The following UNC5D variants were observed in gnomAD, a reference collection of about 807,000 sequenced individuals.
UNC5D encodes netrin receptor UNC5D.
A neutral mutation model predicts 105.4 loss-of-function variants in UNC5D; 39 were observed. The ratio of observed to expected loss-of-function variants is 0.37; its 90% CI spans 0.29 to 0.48. The LOEUF (loss-of-function observed/expected upper bound fraction) is 0.48, where lower values mean the gene tolerates loss of function less well. Ranked by LOEUF, UNC5D falls within the 20% of genes least tolerant of loss-of-function variation. UNC5D has a pLI of 0.98. For synonymous variants in UNC5D, 452 were observed against 450.4 expected (o/e 1.00, Z -0.04); for missense variants, 991 against 1,202.4 (o/e 0.82, Z 2.60).
At chr8:35,723,855 A>G (rs1260428684) in intron 9 of UNC5D, among the ~76,000 whole-genome samples, 1 of 152,190 alleles carries the variant, frequency 6.6e-6, no homozygotes, top group Non-Finnish European at 1.5e-5. Flanking sequence ...CTTTGAAGTT[A>G]GATTTTAGTC....
chr8:35,278,467 A>G (rs1366572318), intron 1 of UNC5D, among the ~76,000 whole-genome samples: 1 of 152,154 alleles, frequency 6.6e-6, no homozygotes, highest in Non-Finnish European at 1.5e-5. Flanking sequence ...TTAAAAAAAT[A>G]GTTGGTCATT....
At chr8:35,504,032 C>T (rs1343973881) in intron 1 of UNC5D, among the ~76,000 whole-genome samples, 7 of 152,066 alleles carry the variant, frequency 4.6e-5, no homozygotes, top group Non-Finnish European at 1.0e-4. Context: ...CCTTAATTAA[C>T]TATAGGCCTG....
Position 35,535,403 on chromosome 8 carries a change from A to G in UNC5D, c.104-13889A>G, listed in dbSNP as rs1245744942. Among the ~76,000 whole-genome samples the G allele has an allele frequency of 4.6e-5, 7 of 151,688 alleles. No individual in the cohort carries two copies. The East Asian group carries it at 5.8e-4, about 13-fold the overall frequency. ...TTAGGTAGTACTAAACAGCTCAGATATGTAATAGGCTTTTTGTTGTTGTTG... is the reference window on the plus strand; with the variant it reads ...TTAGGTAGTACTAAACAGCTCAGATGTGTAATAGGCTTTTTGTTGTTGTTG... On this transcript the variant is annotated intron_variant, in intron 1 of 16. Coordinates refer to ENST00000404895, the MANE Select transcript of UNC5D (RefSeq NM_080872.4).
At chr8:35,637,090 T>C (rs922615389) in intron 4 of UNC5D, among the ~76,000 whole-genome samples, 6 of 152,196 alleles carry the variant, frequency 3.9e-5, no homozygotes, top group Non-Finnish European at 7.3e-5. Flanking sequence ...GTACAATTCA[T>C]TGCTATTAGT....
rs569181933 is a variant in UNC5D, at chr8:35,759,419, C to G, written c.2263C>G (p.Leu755Val). The G allele has an allele frequency of 6.0e-5, 97 of 1,614,064 alleles. 1 individual carries two copies. The South Asian group carries it at 9.2e-4, about 15-fold the overall frequency. The stretch of plus-strand genomic sequence containing the variant: ...TACCTTTAGTCTTCAGATTTCTGTC[C>G]TTGATATTCCCCCATTCCTCTGGAG... Reference protein sequence around the residue: ...GNTFSLQISVLDIPPFLWRIK... With the variant: ...GNTFSLQISVVDIPPFLWRIK... The change falls in exon 14 of 17, where the codon CTT (leucine) becomes GTT (valine). Residue 755 changes from leucine (L) to valine (V), a missense_variant. Leu to Val is a conservative substitution (Grantham distance 32). Coordinates refer to ENST00000404895, the MANE Select transcript of UNC5D (RefSeq NM_080872.4).
chr8:35,439,468 C>T (rs143888252), intron 1 of UNC5D, among the ~76,000 whole-genome samples: 210 of 152,138 alleles, frequency 1.4e-3, no homozygotes, highest in African/African-American at 4.9e-3. Flanking sequence ...CCCAAATCAA[C>T]CCATTCTAAG....
chr8:35,680,611 TTTTA>T (rs1355885200), intron 4 of UNC5D, among the ~76,000 whole-genome samples: 1 of 152,154 alleles, frequency 6.6e-6, no homozygotes, highest in Non-Finnish European at 1.5e-5. Context: ...TTGCGCATGA[TTTTA>T]TTTTTCTTTA....
Position 35,252,083 on chromosome 8 carries a change from G to A in UNC5D, c.103+16196G>A, listed in dbSNP as rs193013517. Reference sequence around the variant, plus strand: ...GTTGCCCAGGCTGGAGTGCAGTGGCGCGATCCCGACTCACTGCAGGCTCTG... The same window carrying A: ...GTTGCCCAGGCTGGAGTGCAGTGGCACGATCCCGACTCACTGCAGGCTCTG... On this transcript the variant is annotated intron_variant, in intron 1 of 16. Coordinates refer to ENST00000404895, the MANE Select transcript of UNC5D (RefSeq NM_080872.4). 6.9e-5 allele frequency among the ~76,000 whole-genome samples: 10 copies of A among 145,804 alleles called. No individual in the cohort carries two copies. The South Asian group carries it at 1.1e-3, about 16-fold the overall frequency.
intron 1 of UNC5D, 44 bp from the exon 2 acceptor site, chr8:35,549,248 C>A: frequency 6.3e-7 from 1 of 1,589,152 alleles, no homozygotes; most frequent in South Asian, 1.1e-5. Context: ...GGTGTATGTG[C>A]TATCAATGTA....
At chr8:35,710,191 A>G (rs1244646921) in intron 8 of UNC5D, among the ~76,000 whole-genome samples, 1 of 152,218 alleles carries the variant, frequency 6.6e-6, no homozygotes, top group Non-Finnish European at 1.5e-5. Flanking sequence ...TCTAGCTCTA[A>G]GATGATTGTG....
intron 13 of UNC5D, among the ~76,000 whole-genome samples, chr8:35,755,775 T>C (rs1830490973): frequency 6.6e-6 from 1 of 152,186 alleles, no homozygotes; most frequent in Non-Finnish European, 1.5e-5. Flanking sequence ...CCTAGTTCCA[T>C]TAACTCGGAT....
intron 1 of UNC5D, among the ~76,000 whole-genome samples, chr8:35,392,689 A>G (rs1175006390): frequency 6.6e-6 from 1 of 152,196 alleles, no homozygotes; most frequent in East Asian, 1.9e-4. Context: ...TTTGCCATAT[A>G]AAGTAATACT....
chr8:35,745,200 A>G (rs1007690081), intron 11 of UNC5D, among the ~76,000 whole-genome samples: 1 of 152,192 alleles, frequency 6.6e-6, no homozygotes, highest in Non-Finnish European at 1.5e-5. Context: ...TGCTTTTAGT[A>G]TTGGGAATGT....
At chr8:35,657,427 A>C (rs1049922623) in intron 4 of UNC5D, among the ~76,000 whole-genome samples, 1 of 151,878 alleles carries the variant, frequency 6.6e-6, no homozygotes, top group African/African-American at 2.4e-5. Flanking sequence ...TTTAGAGGTA[A>C]GTTATAAATT....
At chr8:35,766,655 G>A (rs1039407738) in intron 14 of UNC5D, among the ~76,000 whole-genome samples, 5 of 152,112 alleles carry the variant, frequency 3.3e-5, no homozygotes, top group African/African-American at 4.8e-5. Context: ...CTTGCAGTGC[G>A]GTTTTGGAAT....
intron 2 of UNC5D, among the ~76,000 whole-genome samples, chr8:35,565,835 A>G (rs1817298516): frequency 6.6e-6 from 1 of 152,202 alleles, no homozygotes; most frequent in Non-Finnish European, 1.5e-5. Flanking sequence ...TCCTTTCCCC[A>G]GTATATGTTT....
intron 1 of UNC5D, among the ~76,000 whole-genome samples, chr8:35,291,986 TG>T (rs1438097440): frequency 6.6e-6 from 1 of 152,238 alleles, no homozygotes; most frequent in African/African-American, 2.4e-5. Context: ...ATTCACCCGC[TG>T]GTTTTCTTCT....
intron 14 of UNC5D, among the ~76,000 whole-genome samples, chr8:35,764,093 C>T (rs993606587): frequency 3.9e-5 from 6 of 152,140 alleles, no homozygotes; most frequent in Non-Finnish European, 4.4e-5. Flanking sequence ...TGTAGTAGAG[C>T]TTGAAGGCAG....
intron 3 of UNC5D, among the ~76,000 whole-genome samples, chr8:35,592,717 T>G (rs970539796): frequency 6.6e-6 from 1 of 152,186 alleles, no homozygotes; most frequent in African/African-American, 2.4e-5. Flanking sequence ...GTTTCTCACT[T>G]GGTATAATGA....
Sources: allele counts gnomAD v4.1 joint callset (sites outside exome capture counted in the v4.1 genomes callset), GRCh38; gene constraint gnomAD v4.1.1; transcripts MANE v1.5; gene names NCBI Gene and HGNC (gene_info 2026-07-23, HGNC 2026-07-21).